CNTNAP2: variants seen among roughly 807,000 people sequenced by gnomAD.
The protein encoded by CNTNAP2 is contactin associated protein 2.
Under a neutral mutation model 155.2 loss-of-function variants are expected in CNTNAP2, and 98 were observed. The ratio of observed to expected loss-of-function variants is 0.63; its 90% CI spans 0.54 to 0.75. The LOEUF is 0.75. Among genes scored for constraint, CNTNAP2 ranks in the 30% least tolerant of loss-of-function variants. CNTNAP2 has a pLI of 0.00. For synonymous variants in CNTNAP2, 651 were observed against 631.2 expected (o/e 1.03, Z -0.47); for missense variants, 1,727 against 1,688.1 (o/e 1.02, Z -0.40).
chr7:146,237,358 T>C (rs867020876), intron 1 of CNTNAP2, among the ~76,000 whole-genome samples: 1 of 152,204 alleles, frequency 6.6e-6, no homozygotes, highest in African/African-American at 2.4e-5. Flanking sequence ...AAGGTAGCCA[T>C]ACAAAGTGAT....
intron 10 of CNTNAP2, among the ~76,000 whole-genome samples, chr7:147,421,585 C>CTGTGTGTGTGTGTGTGTGTGTG (rs55983110): frequency 0.021 from 3,067 of 143,512 alleles, 112 homozygotes; most frequent in African/African-American, 0.064. Context: ...TCTATCTAAT[C>CTGTGTGTGTGTGTGTGTGTGTG]TGTGTGTGTG....
At chr7:147,488,819 T>A (rs1798555087) in intron 11 of CNTNAP2, among the ~76,000 whole-genome samples, 1 of 152,186 alleles carries the variant, frequency 6.6e-6, no homozygotes, top group African/African-American at 2.4e-5. Context: ...CTAGGCCATT[T>A]AAATTATTTG....
At chr7:146,801,361 A>G (rs569092625) in intron 2 of CNTNAP2, among the ~76,000 whole-genome samples, 22 of 152,318 alleles carry the variant, frequency 1.4e-4, no homozygotes, top group African/African-American at 5.3e-4. Flanking sequence ...CCACATTTCC[A>G]GATGAGATTT....
intron 16 of CNTNAP2, among the ~76,000 whole-genome samples, chr7:148,145,457 A>G (rs1805160503): frequency 6.6e-6 from 1 of 152,236 alleles, no homozygotes; most frequent in Admixed American, 6.5e-5. Context: ...CACAGAGGAA[A>G]TTAGAACAGC....
At chr7:147,329,402 C>T in intron 9 of CNTNAP2, among the ~76,000 whole-genome samples, 1 of 151,968 alleles carries the variant, frequency 6.6e-6, no homozygotes, top group East Asian at 1.9e-4. Flanking sequence ...TATATACATT[C>T]TTATAATTTA....
At chr7:147,565,355 G>A (rs1306353580) in intron 12 of CNTNAP2, among the ~76,000 whole-genome samples, 1 of 152,102 alleles carries the variant, frequency 6.6e-6, no homozygotes, top group Non-Finnish European at 1.5e-5. Context: ...AAGGAGTGTA[G>A]GGCAGAAAAA....
intron 21 of CNTNAP2, among the ~76,000 whole-genome samples, chr7:148,362,035 TG>T (rs1798631770): frequency 6.6e-6 from 1 of 152,102 alleles, no homozygotes; most frequent in South Asian, 2.1e-4. Flanking sequence ...CAGTGAAACC[TG>T]TCTCTACTAA....
At chr7:146,135,385 T>TA (rs1797782333) in intron 1 of CNTNAP2, among the ~76,000 whole-genome samples, 2 of 152,252 alleles carry the variant, frequency 1.3e-5, no homozygotes, top group South Asian at 4.1e-4. Context: ...TCTCAGAGTT[T>TA]AAGTTTTTGT....
In CNTNAP2 at chr7:148,418,027, T is replaced by A. The variant is rs1169495104; in HGVS notation, c.*2411T>A. ...CCATCAATTAAGACATATAGGACAC[T>A]GTCTTCCTTCAAGAGGGTTACAATG... On this transcript the variant is annotated 3_prime_UTR_variant, in exon 24 of 24. Transcript: ENST00000361727. 1 of 152,204 alleles carries A rather than the reference T, an allele frequency of 6.6e-6. No homozygotes were observed. Among genetic ancestry groups the A allele is most frequent in the Non-Finnish European group, 1.5e-5 (1 of 68,046 alleles). 9.4% of individuals were successfully genotyped at this position (152,204 alleles called of 1,614,324 possible).
intron 1 of CNTNAP2, among the ~76,000 whole-genome samples, chr7:146,219,177 G>A (rs769223472): frequency 1.9e-4 from 29 of 152,086 alleles, no homozygotes; most frequent in Non-Finnish European, 1.8e-4. Context: ...CATGAGAACA[G>A]CATGATCATA....
intron 13 of CNTNAP2, among the ~76,000 whole-genome samples, chr7:147,839,521 A>G (rs566848752): frequency 1.1e-4 from 17 of 152,280 alleles, no homozygotes; most frequent in African/African-American, 3.8e-4. Flanking sequence ...GTGAGTAAAG[A>G]AAGCCATGAA....
intron 1 of CNTNAP2, among the ~76,000 whole-genome samples, chr7:146,721,595 T>A (rs183983774): frequency 8.4e-6 from 1 of 118,798 alleles, no homozygotes; most frequent in Non-Finnish European, 1.6e-5. Context: ...TATATATATA[T>A]TCTATATACA....
chr7:147,509,615 GT>G (rs1423648054), intron 11 of CNTNAP2, among the ~76,000 whole-genome samples: 2 of 151,922 alleles, frequency 1.3e-5, no homozygotes, highest in Non-Finnish European at 2.9e-5. Flanking sequence ...CTGAGATTTG[GT>G]CCCTCTCACT....
At chr7:147,344,790 T>A (rs1795821994) in intron 9 of CNTNAP2, among the ~76,000 whole-genome samples, 1 of 152,146 alleles carries the variant, frequency 6.6e-6, no homozygotes, top group Non-Finnish European at 1.5e-5. Context: ...ATTAGGGACT[T>A]TTTTTAATAA....
At chr7:146,513,955 TA>T (rs979792725) in intron 1 of CNTNAP2, among the ~76,000 whole-genome samples, 1 of 152,026 alleles carries the variant, frequency 6.6e-6, no homozygotes, top group African/African-American at 2.4e-5. Context: ...TTACTGAGTA[TA>T]GTATGTTTTG....
At chr7:147,743,684 A>G (rs1052505001) in intron 13 of CNTNAP2, among the ~76,000 whole-genome samples, 1 of 80,182 alleles carries the variant, frequency 1.2e-5, no homozygotes, top group Non-Finnish European at 2.5e-5. Flanking sequence ...CTGACCTCTC[A>G]TATTTTTTGT....
intron 1 of CNTNAP2, among the ~76,000 whole-genome samples, chr7:146,440,822 T>G (rs1796310276): frequency 6.6e-6 from 1 of 151,608 alleles, no homozygotes; most frequent in African/African-American, 2.4e-5. Context: ...TAATTATTAT[T>G]TTACATAAAT....
intron 18 of CNTNAP2, among the ~76,000 whole-genome samples, chr7:148,182,976 T>C (rs1795062184): frequency 1.3e-5 from 2 of 152,250 alleles, no homozygotes; most frequent in South Asian, 4.1e-4. Flanking sequence ...AATTTAACAT[T>C]CTACATTCTG....
chr7:147,024,401 A>T (rs996207217), intron 3 of CNTNAP2, among the ~76,000 whole-genome samples: 1 of 152,134 alleles, frequency 6.6e-6, no homozygotes, highest in Non-Finnish European at 1.5e-5. Flanking sequence ...GACAATGCCA[A>T]TTTTCTGGCT....
Sources: gnomAD v4.1 joint callset for allele counts (sites outside exome capture counted in the v4.1 genomes callset) on GRCh38, gnomAD v4.1.1 for gene constraint, MANE v1.5 for transcripts, NCBI Gene and HGNC (gene_info 2026-07-23, HGNC 2026-07-21) for gene names.